Variants in KIF1B observed in about 807,000 individuals in gnomAD.
KIF1B encodes kinesin family member 1B, also known as kinesin-like protein KIF1B.
A neutral mutation model predicts 241.9 loss-of-function variants in KIF1B; 76 were observed. That is an observed-to-expected ratio of 0.31 (90% confidence interval 0.26 to 0.38). The LOEUF is 0.38. Among genes scored for constraint, KIF1B ranks in the 10% least tolerant of loss-of-function variants. The probability of loss-of-function intolerance (pLI) is 1.00; values close to 1 mark genes in which losing one functional copy is unlikely to be tolerated. For missense variants in KIF1B, 1,622 were observed against 2,271.4 expected, an observed-to-expected ratio of 0.71 and a Z score of 5.81; for synonymous variants, 750 against 796.7, an observed-to-expected ratio of 0.94 and a Z score of 0.99.
chr1:10,308,658 C>A (rs1650941738), intron 22 of KIF1B: 1 of 1,004,198 alleles, frequency 1.0e-6, no homozygotes, highest in Non-Finnish European at 1.2e-6. Context: ...GCTAACTAAA[C>A]CTGGTTTTGA....
intron 22 of KIF1B, chr1:10,308,712 ATCT>A (rs1322358598): frequency 1.3e-5 from 10 of 797,042 alleles, no homozygotes; most frequent in South Asian, 5.8e-5. Flanking sequence ...TGTAAACTAA[ATCT>A]TCTTTTTGAT....
intron 27 of KIF1B, among the ~76,000 whole-genome samples, chr1:10,329,724 A>G (rs1201844597): frequency 6.8e-6 from 1 of 146,234 alleles, no homozygotes; most frequent in Non-Finnish European, 1.5e-5. Flanking sequence ...CAGAGCAAAG[A>G]CTCTGTCTAG....
intron 7 of KIF1B, among the ~76,000 whole-genome samples, chr1:10,268,800 G>A (rs991705517): frequency 4.6e-5 from 7 of 151,962 alleles, no homozygotes; most frequent in South Asian, 2.1e-4. Flanking sequence ...AGACTTTAGC[G>A]TTGGATTGCT....
chr1:10,320,901 A>G (rs1209181551), intron 23 of KIF1B, among the ~76,000 whole-genome samples: 1 of 151,828 alleles, frequency 6.6e-6, no homozygotes, highest in Non-Finnish European at 1.5e-5. Context: ...GGGTTTCACC[A>G]TGTTGGTCAG....
intron 33 of KIF1B, among the ~76,000 whole-genome samples, chr1:10,342,659 T>G (rs542031848): frequency 7.9e-5 from 12 of 152,306 alleles, no homozygotes; most frequent in African/African-American, 2.9e-4. Flanking sequence ...TCTAGGATTA[T>G]CTCTATTATC....
At position 10,295,649 on chromosome 1, in the gene KIF1B, CTT is replaced by C; in HGVS notation, c.1671-10_1671-9del. ...TGAATTTCCCTGGGAAACACTTTCT[CTT>C]GTGTTCAGGGTTGGCCAAGCAGATG... On this transcript the variant is annotated splice_polypyrimidine_tract_variant and intron_variant, in intron 18 of 48. Transcript: ENST00000676179. The C allele has an allele frequency of 6.2e-7, 1 of 1,611,530 alleles. No homozygotes were observed. The highest frequency in any genetic ancestry group is 2.2e-5 in the East Asian group (1 of 44,854).
At chr1:10,265,023 C>T (rs1459092970) in intron 5 of KIF1B, among the ~76,000 whole-genome samples, 2 of 151,682 alleles carry the variant, frequency 1.3e-5, no homozygotes, top group Non-Finnish European at 2.9e-5. Context: ...GACTGGAGTG[C>T]AGTGGTGCAA....
intron 1 of KIF1B, among the ~76,000 whole-genome samples, chr1:10,223,796 G>A (rs1274928189): frequency 1.3e-5 from 2 of 151,508 alleles, no homozygotes; most frequent in Non-Finnish European, 2.9e-5. Context: ...CGCCCGCCTC[G>A]GCCTCCCAAA....
intron 22 of KIF1B, 134 bp downstream of exon 22, chr1:10,297,380 A>G: frequency 8.4e-6 from 7 of 834,898 alleles, no homozygotes; most frequent in Non-Finnish European, 1.4e-5. Flanking sequence ...AATTTCCTTA[A>G]TGGAGAATGA....
At chr1:10,368,348 A>C (rs1381973450) in intron 43 of KIF1B, 119 bp from the exon 44 acceptor site, 1 of 771,302 alleles carries the variant, frequency 1.3e-6, no homozygotes, top group African/African-American at 1.7e-5. Context: ...GGAGATGTGG[A>C]GCTTCCATGC....
intron 2 of KIF1B, among the ~76,000 whole-genome samples, chr1:10,232,717 TAA>T (rs1231690273): frequency 3.9e-5 from 6 of 152,228 alleles, no homozygotes. Context: ...AATAAAGGTA[TAA>T]ACAGTGCTTT....
In KIF1B at chr1:10,377,115, A is replaced by G. The variant is rs1241911447; in HGVS notation, c.*528A>G. On this transcript the variant is annotated 3_prime_UTR_variant, in exon 49 of 49. Transcript: ENST00000676179. ...GGGAGGAGACATCTGGCCTTTTTAGAACCTGAGAGGAAAAAAAGAGTCTTT... is the reference window on the plus strand; with the variant it reads ...GGGAGGAGACATCTGGCCTTTTTAGGACCTGAGAGGAAAAAAAGAGTCTTT... 1 of 241,192 alleles carries G rather than the reference A, an allele frequency of 4.1e-6. No homozygotes were observed. The highest frequency in any genetic ancestry group is 2.2e-5 in the African/African-American group (1 of 45,248). 14.9% of individuals were successfully genotyped at this position (241,192 alleles called of 1,614,324 possible).
At chr1:10,301,417 G>C (rs1650535184) in intron 22 of KIF1B, among the ~76,000 whole-genome samples, 1 of 152,036 alleles carries the variant, frequency 6.6e-6, no homozygotes, top group Non-Finnish European at 1.5e-5. Context: ...TGTAATCCCA[G>C]CACTTTGGGA....
At chr1:10,324,647 C>A in intron 25 of KIF1B, 111 bp from the exon 26 acceptor site, 1 of 1,238,412 alleles carries the variant, frequency 8.1e-7, no homozygotes, top group Non-Finnish European at 1.2e-6. Context: ...ACAGTGGGAG[C>A]AACTCCTTTT....
chr1:10,291,936 A>G, intron 16 of KIF1B, 111 bp from the exon 17 acceptor site: 3 of 862,304 alleles, frequency 3.5e-6, no homozygotes, highest in Non-Finnish European at 3.9e-6. Flanking sequence ...ATTATTGGCT[A>G]TAAACATGGC....
At chr1:10,270,753 T>C (rs142708795) in intron 7 of KIF1B, among the ~76,000 whole-genome samples, 2,844 of 151,788 alleles carry the variant, frequency 0.019, 41 homozygotes, top group Non-Finnish European at 0.028. Context: ...TGAAACCCCG[T>C]CTCTACTAAA....
intron 13 of KIF1B, 60 bp from the exon 14 acceptor site, chr1:10,279,037 G>C: frequency 7.9e-7 from 1 of 1,266,296 alleles, no homozygotes; most frequent in Admixed American, 2.0e-5. Flanking sequence ...TTCCCTCTCT[G>C]TGTCACTGCT....
intron 27 of KIF1B, among the ~76,000 whole-genome samples, chr1:10,331,639 CTT>C (rs1013365301): frequency 1.3e-5 from 2 of 152,174 alleles, no homozygotes; most frequent in African/African-American, 4.8e-5. Flanking sequence ...CTCCTCCTCT[CTT>C]TGTTTTAAAA....
chr1:10,306,784 AG>A (rs1382696691), intron 22 of KIF1B: 12 of 861,168 alleles, frequency 1.4e-5, no homozygotes, highest in South Asian at 5.6e-5. Flanking sequence ...AAAAAAAAAA[AG>A]GTAATATTTA....
Sources: allele counts gnomAD v4.1 joint callset (sites outside exome capture counted in the v4.1 genomes callset), GRCh38; gene constraint gnomAD v4.1.1; transcripts MANE v1.5; gene names NCBI Gene and HGNC (gene_info 2026-07-23, HGNC 2026-07-21).